Variants in MCF2 observed in about 807,000 individuals in gnomAD.
MCF2 encodes the protein proto-oncogene DBL.
MCF2 carries 44 observed loss-of-function variants against 82.5 expected under a neutral mutation model. The observed-to-expected ratio is 0.53, with a 90% CI of 0.42 to 0.69. The LOEUF (loss-of-function observed/expected upper bound fraction) is 0.69, where lower values mean the gene tolerates loss of function less well. Among genes scored for constraint, MCF2 ranks in the 30% least tolerant of loss-of-function variants. The pLI is 0.00. For synonymous variants in MCF2, 217 were observed against 224.9 expected, an observed-to-expected ratio of 0.96 and a Z score of 0.32; for missense variants, 623 against 663.1, an observed-to-expected ratio of 0.94 and a Z score of 0.66.
intron 20 of MCF2, 28 bp from the exon 25 acceptor site, chrX:139,588,466 AGGTG>A: frequency 1.0e-6 from 1 of 965,292 alleles, no homozygotes; most frequent in Admixed American, 2.3e-5. Flanking sequence ...AGCGGGAGGG[AGGTG>A]GTACACATTT....
chrX:139,621,624 G>A (rs1791797125), intron 6 of MCF2, among the ~76,000 whole-genome samples: 1 of 111,558 alleles, frequency 9.0e-6, no homozygotes, highest in Non-Finnish European at 1.9e-5. Context: ...AACAAGAAAT[G>A]GGGAAAGGAT....
chrX:139,603,727 C>T (rs1407034527), intron 15 of MCF2, among the ~76,000 whole-genome samples: 1 of 110,528 alleles, frequency 9.0e-6, no homozygotes, highest in African/African-American at 3.3e-5. Context: ...CCCAGCTACT[C>T]GGGAGGCTGA....
rs756788495 is a variant in MCF2, at chrX:139,589,880, C to T, written c.2325G>A (p.Lys775=). The T allele has an allele frequency of 2.5e-6, 3 of 1,200,561 alleles. No homozygotes were observed. In the South Asian group the frequency reaches 5.5e-5, roughly 22 times the overall value. The change falls in exon 20 of 25, where the codon AAG becomes AAA. Residue 775 remains lysine, a synonymous_variant. Coordinates refer to ENST00000370576, the Ensembl canonical transcript of MCF2. ...CCTTTTCACCATACCAGATTTCAAACTTGCGGTTATCACCTTTTACATATT... is the reference window on the plus strand; with the variant it reads ...CCTTTTCACCATACCAGATTTCAAATTTGCGGTTATCACCTTTTACATATT...
chrX:139,604,626 A>C (rs1930834136), intron 15 of MCF2, 55 bp downstream of exon 19: 1 of 764,755 alleles, frequency 1.3e-6, no homozygotes, highest in African/African-American at 2.1e-5. Flanking sequence ...CTTATAAGTG[A>C]GTTGCTATTT....
At chrX:139,707,499 T>C (rs1307174609) in intron 1 of MCF2, among the ~76,000 whole-genome samples, 1 of 111,636 alleles carries the variant, frequency 9.0e-6, no homozygotes, top group Non-Finnish European at 1.9e-5. Context: ...GGGACCAAGG[T>C]AGTTCTTCTT....
At chrX:139,633,862 A>T (rs1410717416) in intron 1 of MCF2, among the ~76,000 whole-genome samples, 1 of 111,336 alleles carries the variant, frequency 9.0e-6, no homozygotes, top group Admixed American at 9.6e-5. Context: ...GATACCAGGA[A>T]TAAGAGTAGA....
At position 139,625,346 on chromosome X, in the gene MCF2, C is replaced by A. The variant is rs746788464; in HGVS notation, c.687+847G>T. 5.4e-5 allele frequency among the ~76,000 whole-genome samples: 6 copies of A among 111,706 alleles called. No individual in the cohort carries two copies. In the East Asian group the frequency reaches 1.4e-3, roughly 26 times the overall value. ...GAGAAACACAAATACCTAGAAGGAC[C>A]AAGAGCAACCTGACCTATTCTTTCT... On this transcript the variant is annotated intron_variant, in intron 6 of 24. Coordinates refer to ENST00000370576, the Ensembl canonical transcript of MCF2.
At chrX:139,651,157 G>C (rs1219694240) in intron 2 of MCF2, among the ~76,000 whole-genome samples, 1 of 111,054 alleles carries the variant, frequency 9.0e-6, no homozygotes, top group East Asian at 2.8e-4. Context: ...CCGCTGAACT[G>C]TACTCTTCAA....
chrX:139,668,864 CAT>C (rs1434275742), intron 1 of MCF2, among the ~76,000 whole-genome samples: 1 of 110,425 alleles, frequency 9.1e-6, no homozygotes, highest in Non-Finnish European at 1.9e-5. Context: ...CTACATATGT[CAT>C]ATATATATGT....
chrX:139,686,113 C>T lies in MCF2; in HGVS notation c.-45+21993G>A, dbSNP rs192967502. Among the ~76,000 whole-genome samples, 823 of 108,443 alleles carry T rather than the reference C, an allele frequency of 7.6e-3. 9 individuals are homozygous for T. Among genetic ancestry groups the T allele is most frequent in the African/African-American group, 0.026 (764 of 29,705 alleles). The allele number at this position is 108,443 out of a possible 115,157, so 94.2% of individuals were successfully genotyped here. On this transcript the variant is annotated intron_variant, in intron 1 of 27. Coordinates refer to the MCF2 transcript ENST00000414978. ...CTCGATAAGCTAGGTATTGATGGAA[C>T]GTACCTCAAAATAATAAGAGCCATC...
intron 1 of MCF2, among the ~76,000 whole-genome samples, chrX:139,670,526 T>C (rs1248744350): frequency 9.1e-6 from 1 of 110,318 alleles, no homozygotes; most frequent in Non-Finnish European, 1.9e-5. Flanking sequence ...AGTGTTCTCA[T>C]TGTTCAATTC....
intron 4 of MCF2, 78 bp downstream of exon 7, chrX:139,629,617 G>C: frequency 2.2e-6 from 2 of 921,325 alleles, no homozygotes; most frequent in Non-Finnish European, 3.1e-6. Context: ...GCAACAGTCA[G>C]TGTAAAATGG....
chrX:139,703,028 T>C (rs1290389339), intron 1 of MCF2, among the ~76,000 whole-genome samples: 1 of 112,150 alleles, frequency 8.9e-6, no homozygotes, highest in East Asian at 2.8e-4. Flanking sequence ...CAGGGGCCAG[T>C]TCCCTGGTCC....
chrX:139,594,570 T>C (rs1362846181), intron 19 of MCF2, among the ~76,000 whole-genome samples: 1 of 111,308 alleles, frequency 9.0e-6, no homozygotes, highest in Non-Finnish European at 1.9e-5. Context: ...TATACAAAAA[T>C]TAATTCAAGA....
At position 139,585,701 on chromosome X, in the gene MCF2, G is replaced by A. The variant is rs191772948; in HGVS notation, c.2633-523C>T. Among the ~76,000 whole-genome samples the A allele has an allele frequency of 9.5e-4, 106 of 111,533 alleles. 1 individual carries two copies. The highest frequency in any genetic ancestry group is 2.1e-4 in the Non-Finnish European group (11 of 53,073). On this transcript the variant is annotated intron_variant, in intron 23 of 24. Transcript: ENST00000370576. ...TTCGTACTTCCCTGCTGTAACACTC[G>A]CCAAATTTACTTTTAATTGCTTGTT... is the stretch of plus-strand genomic sequence containing the variant.
At chrX:139,698,911 T>C (rs1311059640) in intron 1 of MCF2, among the ~76,000 whole-genome samples, 1 of 111,611 alleles carries the variant, frequency 9.0e-6, no homozygotes, top group Non-Finnish European at 1.9e-5. Context: ...TTGCATAATG[T>C]TTGTAAGCAC....
At chrX:139,609,818 C>T (rs1218558263) in intron 11 of MCF2, among the ~76,000 whole-genome samples, 1 of 111,468 alleles carries the variant, frequency 9.0e-6, no homozygotes, top group African/African-American at 3.3e-5. Flanking sequence ...GCCTTGGCAA[C>T]ATAGTGAGAC....
chrX:139,677,751 A>G (rs994745344), intron 1 of MCF2, among the ~76,000 whole-genome samples: 1 of 112,350 alleles, frequency 8.9e-6, no homozygotes, highest in African/African-American at 3.2e-5. Flanking sequence ...GAATCTAAAC[A>G]TTGAACGTCT....
chrX:139,687,984 C>T (rs1237916174), intron 1 of MCF2, among the ~76,000 whole-genome samples: 2 of 111,535 alleles, frequency 1.8e-5, no homozygotes, highest in Admixed American at 9.6e-5. Context: ...TTCCCTAGTT[C>T]GTAACACTCA....
Sources: allele counts gnomAD v4.1 joint callset (sites outside exome capture counted in the v4.1 genomes callset), GRCh38; gene constraint gnomAD v4.1.1; transcripts MANE v1.5; gene names NCBI Gene and HGNC (gene_info 2026-07-23, HGNC 2026-07-21).